Variants in GALNT13 observed in about 807,000 individuals in gnomAD.
The protein encoded by GALNT13 is UDP-GalNAc:polypeptide N-acetylgalactosaminyltransferase 13.
A neutral mutation model predicts 64.2 loss-of-function variants in GALNT13; 28 were observed. The observed-to-expected ratio is 0.44, with a 90% confidence interval of 0.32 to 0.60. GALNT13 has a LOEUF of 0.60. GALNT13 is among the 20% of genes least tolerant of loss of function. The pLI, the probability that GALNT13 is intolerant of heterozygous loss-of-function variation, is 0.05. For missense variants in GALNT13, 577 were observed against 669.8 expected (o/e 0.86, Z 1.53); for synonymous variants, 214 against 224.6 (o/e 0.95, Z 0.42).
intron 9 of GALNT13, among the ~76,000 whole-genome samples, chr2:154,376,210 CT>C (rs1245547996): frequency 2.0e-5 from 3 of 152,124 alleles, no homozygotes; most frequent in African/African-American, 7.2e-5. Context: ...AGTCACCTCA[CT>C]TTTTTTCTTT....
chr2:154,153,332 G>T (rs984349729), intron 4 of GALNT13, among the ~76,000 whole-genome samples: 1 of 152,154 alleles, frequency 6.6e-6, no homozygotes, highest in African/African-American at 2.4e-5. Flanking sequence ...GTGTCAGTCT[G>T]CCCCTACTGG....
intron 2 of GALNT13, among the ~76,000 whole-genome samples, chr2:153,912,038 G>A (rs1203410716): frequency 6.6e-6 from 1 of 152,056 alleles, no homozygotes; most frequent in Non-Finnish European, 1.5e-5. Context: ...TTTCAGGGAT[G>A]TCAATGTCAT....
the GALNT13 span, among the ~76,000 whole-genome samples, chr2:153,140,278 C>T: frequency 2.6e-5 from 4 of 151,964 alleles, no homozygotes; most frequent in Non-Finnish European, 4.4e-5. Flanking sequence ...CACGAGAACC[C>T]GATAAGTTAA....
the GALNT13 span, among the ~76,000 whole-genome samples, chr2:153,810,342 C>T: frequency 3.3e-5 from 5 of 152,028 alleles, no homozygotes; most frequent in African/African-American, 4.8e-5. Context: ...AAGTGTTGTG[C>T]GTGATCATTG....
chr2:153,701,088 C>G, the GALNT13 span, among the ~76,000 whole-genome samples: 1 of 152,198 alleles, frequency 6.6e-6, no homozygotes, highest in African/African-American at 2.4e-5. Context: ...TGTCTCACTT[C>G]AACCTATACC....
the GALNT13 span, among the ~76,000 whole-genome samples, chr2:153,249,502 T>C: frequency 6.6e-6 from 1 of 152,222 alleles, no homozygotes; most frequent in African/African-American, 2.4e-5. Flanking sequence ...CCATTGACTT[T>C]CTTCACAGAA....
chr2:153,606,710 A>C, the GALNT13 span, among the ~76,000 whole-genome samples: 1 of 152,112 alleles, frequency 6.6e-6, no homozygotes, highest in Non-Finnish European at 1.5e-5. Flanking sequence ...GAGTAGTGTG[A>C]CAAGCCATAT....
At chr2:153,528,706 G>GT in the GALNT13 span, among the ~76,000 whole-genome samples, 2 of 151,798 alleles carry the variant, frequency 1.3e-5, no homozygotes, top group Non-Finnish European at 3.0e-5. Context: ...TAAAAACCCT[G>GT]AGTAATATCA....
At chr2:153,195,724 A>G in the GALNT13 span, among the ~76,000 whole-genome samples, 7 of 152,222 alleles carry the variant, frequency 4.6e-5, no homozygotes, top group Admixed American at 3.9e-4. Flanking sequence ...TGTGTGTGTT[A>G]CAGCTCTTTT....
the GALNT13 span, among the ~76,000 whole-genome samples, chr2:153,517,642 A>G: frequency 6.6e-6 from 1 of 152,156 alleles, no homozygotes; most frequent in Non-Finnish European, 1.5e-5. Context: ...GAATAATTGA[A>G]TAAGTAAATG....
At chr2:154,150,586 G>A (rs4502368) in intron 4 of GALNT13, among the ~76,000 whole-genome samples, 566 of 152,176 alleles carry the variant, frequency 3.7e-3, no homozygotes, top group African/African-American at 0.013. Context: ...GTAAGCTATT[G>A]ATTATTGCCA....
the GALNT13 span, among the ~76,000 whole-genome samples, chr2:153,261,732 AG>A: frequency 7.0e-6 from 1 of 142,240 alleles, no homozygotes. Context: ...ATCAGTAGGC[AG>A]GCAATCTACC....
chr2:153,720,970 G>A, the GALNT13 span, among the ~76,000 whole-genome samples: 1 of 152,198 alleles, frequency 6.6e-6, no homozygotes, highest in East Asian at 1.9e-4. Context: ...ACGCCACAAA[G>A]ATACTCCTTG....
chr2:154,264,860 G>A (rs897560907), intron 8 of GALNT13, among the ~76,000 whole-genome samples: 1 of 149,926 alleles, frequency 6.7e-6, no homozygotes, highest in African/African-American at 2.4e-5. Context: ...AAAAAGAAGA[G>A]TTTTTATGCC....
intron 9 of GALNT13, among the ~76,000 whole-genome samples, chr2:154,351,682 C>CAAAAAAAAAAAAAAAAAAAAAA (rs567606376): frequency 4.5e-5 from 2 of 44,686 alleles, no homozygotes; most frequent in Non-Finnish European, 7.5e-5. Flanking sequence ...GACTCCGTCT[C>CAAAAAAAAAAAAAAAAAAAAAA]AAAAAAAAAA....
the GALNT13 span, among the ~76,000 whole-genome samples, chr2:153,735,447 T>C: frequency 6.6e-6 from 1 of 152,074 alleles, no homozygotes; most frequent in African/African-American, 2.4e-5. Context: ...CTGAAAAAAA[T>C]TGTAAATATT....
chr2:153,590,325 T>C, the GALNT13 span, among the ~76,000 whole-genome samples: 2 of 152,110 alleles, frequency 1.3e-5, no homozygotes, highest in East Asian at 3.9e-4. Context: ...TAGCAAATAG[T>C]GAGATTGAAT....
chr2:154,274,778 A>G (rs957679714), intron 8 of GALNT13, among the ~76,000 whole-genome samples: 1 of 152,190 alleles, frequency 6.6e-6, no homozygotes, highest in African/African-American at 2.4e-5. Flanking sequence ...TACCAAAAAG[A>G]TACCCAAAAA....
At chr2:153,260,570 A>G in the GALNT13 span, among the ~76,000 whole-genome samples, 3 of 152,074 alleles carry the variant, frequency 2.0e-5, no homozygotes, top group Non-Finnish European at 4.4e-5. Flanking sequence ...GCTGCCTAAC[A>G]TATTGGAACT....
Sources: allele counts gnomAD v4.1 joint callset (sites outside exome capture counted in the v4.1 genomes callset), GRCh38; gene constraint gnomAD v4.1.1; transcripts MANE v1.5; gene names NCBI Gene and HGNC (gene_info 2026-07-23, HGNC 2026-07-21).